The following RYR2 variants were observed in gnomAD, a reference collection of about 807,000 sequenced individuals.
The protein encoded by RYR2 is cardiac muscle ryanodine receptor-calcium release channel.
Under a neutral mutation model 601.1 loss-of-function variants are expected in RYR2, and 227 were observed. The ratio of observed to expected loss-of-function variants is 0.38; its 90% CI spans 0.34 to 0.42. RYR2 has a LOEUF of 0.42. RYR2 is among the 10% of genes least tolerant of loss of function. The pLI, the probability that RYR2 is intolerant of heterozygous loss-of-function variation, is 1.00. For synonymous variants in RYR2, 2,223 were observed against 2,175.1 expected, an observed-to-expected ratio of 1.02 and a Z score of -0.61; for missense variants, 4,646 against 6,156.5, an observed-to-expected ratio of 0.75 and a Z score of 8.21.
At chr1:237,388,047 C>T in intron 9 of RYR2, 40 bp from the exon 10 acceptor site, 2 of 1,552,730 alleles carry the variant, frequency 1.3e-6, no homozygotes, top group Non-Finnish European at 1.8e-6. Context: ...CAGCACCTGA[C>T]ACTGACAGTC....
chr1:237,190,770 C>T (rs1679887365), intron 1 of RYR2, among the ~76,000 whole-genome samples: 1 of 152,186 alleles, frequency 6.6e-6, no homozygotes, highest in African/African-American at 2.4e-5. Flanking sequence ...TGGGCATCCA[C>T]TGATTCTAGT....
intron 87 of RYR2, among the ~76,000 whole-genome samples, 192 bp downstream of exon 87, chr1:237,773,840 T>C (rs1302414888): frequency 6.6e-6 from 1 of 152,170 alleles, no homozygotes; most frequent in Non-Finnish European, 1.5e-5. Context: ...GGTTGAGATA[T>C]GATTAACTCC....
intron 1 of RYR2, among the ~76,000 whole-genome samples, chr1:237,185,833 C>G (rs748152447): frequency 6.6e-6 from 1 of 152,170 alleles, no homozygotes; most frequent in African/African-American, 2.4e-5. Flanking sequence ...CAAGCATAAA[C>G]CTTTTGGCTC....
In RYR2 at chr1:237,717,329, C is replaced by A; in HGVS notation, c.10455C>A (p.Asp3485Glu). The stretch of plus-strand genomic sequence containing the variant: ...GGTTGAACATCTGTGCCCCTGGGGA[C>A]CAGGAGCTCATTGCTCTGGCCAAAA... ...PIGLNICAPG[D>E]QELIALAKNR... The change falls in exon 72 of 105, where the codon GAC becomes GAA. Residue 3485 changes from aspartate to glutamate, a missense_variant. Asp to Glu is a conservative substitution (Grantham distance 45). Transcript: ENST00000366574. The A allele has an allele frequency of 6.2e-7, 1 of 1,611,068 alleles. No homozygotes were observed. The highest frequency in any genetic ancestry group is 8.5e-7 in the Non-Finnish European group (1 of 1,178,128).
rs1335927528 is a variant in RYR2, at chr1:237,467,248, T to C, written c.1613-1844T>C. Reference sequence around the variant, plus strand: ...ATATATAATTTTAGATAGCTATATATAATTATATATTATATATAAAATTAG... The same window carrying C: ...ATATATAATTTTAGATAGCTATATACAATTATATATTATATATAAAATTAG... On this transcript the variant is annotated intron_variant, in intron 16 of 104. Transcript: ENST00000366574. Among the ~76,000 whole-genome samples the C allele has an allele frequency of 3.4e-5, 5 of 148,324 alleles. No individual in the cohort carries two copies. The Admixed American group carries it at 3.4e-4, about 10-fold the overall frequency.
At chr1:237,470,926 GA>G (rs1208784029) in intron 17 of RYR2, among the ~76,000 whole-genome samples, 2 of 151,850 alleles carry the variant, frequency 1.3e-5, no homozygotes, top group Non-Finnish European at 2.9e-5. Context: ...GAGAGAGAGA[GA>G]CAGAGAGAGA....
At chr1:237,247,718 C>T (rs552375686) in intron 1 of RYR2, among the ~76,000 whole-genome samples, 1 of 151,794 alleles carries the variant, frequency 6.6e-6, no homozygotes, top group Admixed American at 6.6e-5. Flanking sequence ...TATTGAGGTA[C>T]CAGGAGGAAG....
chr1:237,796,738 T>C (rs1215904320), intron 96 of RYR2, among the ~76,000 whole-genome samples: 2 of 152,026 alleles, frequency 1.3e-5, no homozygotes, highest in Admixed American at 1.3e-4. Context: ...TTGCTACCAG[T>C]GATCTCTCCT....
At chr1:237,231,423 A>G (rs1684989557) in intron 1 of RYR2, among the ~76,000 whole-genome samples, 3 of 151,768 alleles carry the variant, frequency 2.0e-5, no homozygotes, top group Non-Finnish European at 2.9e-5. Flanking sequence ...TGCCTCCCAA[A>G]TAGCTGGAAC....
intron 3 of RYR2, among the ~76,000 whole-genome samples, chr1:237,350,639 G>C (rs1698757441): frequency 1.1e-5 from 1 of 90,028 alleles, no homozygotes; most frequent in Non-Finnish European, 2.1e-5. Context: ...ATATATCTCT[G>C]ACCTCTGAGA....
At chr1:237,594,909 T>TTTTTTTTG (rs1675693180) in intron 33 of RYR2, among the ~76,000 whole-genome samples, 2 of 114,760 alleles carry the variant, frequency 1.7e-5, no homozygotes, top group Non-Finnish European at 3.6e-5. Context: ...TTTTTTTTTT[T>TTTTTTTTG]TTTTTTTTTT....
At chr1:237,423,706 G>T (rs1157364573) in intron 12 of RYR2, among the ~76,000 whole-genome samples, 1 of 152,172 alleles carries the variant, frequency 6.6e-6, no homozygotes, top group African/African-American at 2.4e-5. Context: ...GTTACAGTGT[G>T]AGGATAAAGC....
chr1:237,730,185 T>C (rs1241082277), intron 76 of RYR2, 75 bp from the exon 77 acceptor site: 7 of 798,264 alleles, frequency 8.8e-6, no homozygotes, highest in Non-Finnish European at 1.3e-5. Context: ...GATAATCTAG[T>C]AATAAAGCAC....
intron 41 of RYR2, 131 bp from the exon 42 acceptor site, chr1:237,631,296 G>T: frequency 5.3e-5 from 32 of 599,524 alleles, no homozygotes; most frequent in Middle Eastern, 2.7e-4. Context: ...AATTTTTGTG[G>T]CTTATTAAAT....
intron 30 of RYR2, 115 bp downstream of exon 30, chr1:237,590,116 A>G: frequency 1.1e-6 from 1 of 934,810 alleles, no homozygotes; most frequent in Non-Finnish European, 1.6e-6. Context: ...GATGACCTTG[A>G]TGTGTTATAT....
chr1:237,074,834 G>A lies in RYR2; in HGVS notation c.48+32265G>A, dbSNP rs114803335. On this transcript the variant is annotated intron_variant, in intron 1 of 104. Coordinates refer to ENST00000366574, the MANE Select transcript of RYR2 (RefSeq NM_001035.3). ...TGGAACTATTGTTATATTATTAAACGGTAGAGGGGCCATCCTGGGCAAGAG... is the reference window on the plus strand; with the variant it reads ...TGGAACTATTGTTATATTATTAAACAGTAGAGGGGCCATCCTGGGCAAGAG... 6.8e-3 allele frequency among the ~76,000 whole-genome samples: 1,034 copies of A among 152,284 alleles called. 12 individuals are homozygous for A. The highest frequency in any genetic ancestry group is 0.023 in the African/African-American group (949 of 41,558).
chr1:237,074,478 C>T (rs748555562), intron 1 of RYR2, among the ~76,000 whole-genome samples: 7 of 152,160 alleles, frequency 4.6e-5, no homozygotes, highest in Non-Finnish European at 2.9e-5. Flanking sequence ...CTGCTTTACA[C>T]CTCTGAGGCC....
Position 237,506,665 on chromosome 1 carries a change from T to C in RYR2, c.2614-45T>C, listed in dbSNP as rs539031296. 4 of 1,403,052 alleles carry C rather than the reference T, an allele frequency of 2.9e-6. No individual in the cohort carries two copies. The Admixed American group carries it at 7.5e-5, about 26-fold the overall frequency. The allele number at this position is 1,403,052 out of a possible 1,614,324, so 86.9% of individuals were successfully genotyped here. On this transcript the variant is annotated intron_variant, in intron 22 of 104. Transcript: ENST00000366574. ...TGAAGACTGTTGGCACTGCATCTTA[T>C]TGCATTTGTTTCTGATGTGTCTTTT...
chr1:237,593,580 C>T lies in RYR2; in HGVS notation c.4380C>T (p.Asp1460=). 6.2e-7 allele frequency: 1 copy of T among 1,613,848 alleles called. No homozygotes were observed. Among genetic ancestry groups the T allele is most frequent in the Non-Finnish European group, 8.5e-7 (1 of 1,179,822 alleles). Residue 1460 remains aspartate (D), a synonymous_variant, in exon 33 of 105, where the codon GAC becomes GAT. Transcript: ENST00000366574. ...AGTATGACACAGGCTTTGACTTGGA[C>T]AGAGTTCGCACAGTAACAGTTACTC... ...FHQYDTGFDL[D]RVRTVTVTLG...
Sources: allele counts gnomAD v4.1 joint callset (sites outside exome capture counted in the v4.1 genomes callset), GRCh38; gene constraint gnomAD v4.1.1; transcripts MANE v1.5; gene names NCBI Gene and HGNC (gene_info 2026-07-23, HGNC 2026-07-21).